Variants in STX8 observed in about 807,000 individuals in gnomAD.
STX8 encodes syntaxin 8.
Under a neutral mutation model 37.5 loss-of-function variants are expected in STX8, and 23 were observed. The observed-to-expected ratio is 0.61, with a 90% CI of 0.44 to 0.87. The LOEUF (loss-of-function observed/expected upper bound fraction) is 0.87. Among genes scored for constraint, STX8 ranks in the 40% least tolerant of loss-of-function variants. The pLI is 0.00. For missense variants in STX8, 313 were observed against 284.7 expected, an observed-to-expected ratio of 1.10 and a Z score of -0.71; for synonymous variants, 115 against 99.1, an observed-to-expected ratio of 1.16 and a Z score of -0.95.
intron 6 of STX8, among the ~76,000 whole-genome samples, chr17:9,436,444 G>A (rs939292074): frequency 6.6e-6 from 1 of 152,008 alleles, no homozygotes; most frequent in African/African-American, 2.4e-5. Flanking sequence ...AAGTGGGCAC[G>A]TAGAATGGGG....
At chr17:9,571,110 A>G (rs1299396881) in intron 1 of STX8, among the ~76,000 whole-genome samples, 2 of 152,224 alleles carry the variant, frequency 1.3e-5, no homozygotes, top group Non-Finnish European at 2.9e-5. Context: ...TTTCAGAGCC[A>G]TAGAGAACAC....
At chr17:9,389,877 G>T (rs752803568) in intron 6 of STX8, among the ~76,000 whole-genome samples, 8 of 152,098 alleles carry the variant, frequency 5.3e-5, no homozygotes, top group Non-Finnish European at 1.0e-4. Flanking sequence ...ACCAAAAATG[G>T]GGGGTGGTGG....
intron 7 of STX8, among the ~76,000 whole-genome samples, chr17:9,259,068 A>G (rs918234053): frequency 1.3e-5 from 2 of 152,176 alleles, no homozygotes; most frequent in Non-Finnish European, 1.5e-5. Context: ...AGATCAATGC[A>G]GTCTGGTGCG....
chr17:9,392,841 C>A (rs1029711945), intron 6 of STX8, among the ~76,000 whole-genome samples: 1 of 152,020 alleles, frequency 6.6e-6, no homozygotes, highest in Non-Finnish European at 1.5e-5. Context: ...ATGAATAGAG[C>A]CTCAAGGACC....
chr17:9,337,722 C>T (rs142762569), intron 7 of STX8, among the ~76,000 whole-genome samples: 1 of 152,300 alleles, frequency 6.6e-6, no homozygotes, highest in East Asian at 1.9e-4. Context: ...TTCTGGAGGA[C>T]ATACCATCCC....
chr17:9,568,598 TCG>T, intron 1 of STX8, 128 bp from the exon 2 acceptor site: 2 of 643,238 alleles, frequency 3.1e-6, no homozygotes, highest in Non-Finnish European at 5.1e-6. Flanking sequence ...CCTCCTGGGT[TCG>T]CACCATTCTC....
chr17:9,455,587 A>T (rs1905164809), intron 6 of STX8, among the ~76,000 whole-genome samples: 1 of 152,186 alleles, frequency 6.6e-6, no homozygotes, highest in African/African-American at 2.4e-5. Flanking sequence ...CAGCAAGGAA[A>T]ATATTTTGGT....
intron 6 of STX8, among the ~76,000 whole-genome samples, chr17:9,435,585 G>C (rs11870801): frequency 0.055 from 8,384 of 152,204 alleles, 783 homozygotes; most frequent in African/African-American, 0.19. Context: ...AGAGCACCTA[G>C]AACCATAATA....
At position 9,542,330 on chromosome 17, in the gene STX8, C is replaced by T. The variant is rs11871856; in HGVS notation, c.323+2842G>A. Among the ~76,000 whole-genome samples the T allele has an allele frequency of 8.6e-3, 1,301 of 151,604 alleles. 22 individuals are homozygous for T. The highest frequency in any genetic ancestry group is 0.03 in the African/African-American group (1,234 of 41,264). On this transcript the variant is annotated intron_variant, in intron 4 of 7. Coordinates refer to ENST00000306357, the MANE Select transcript of STX8 (RefSeq NM_004853.3). ...CTGAAATTGTGCCACTGCACTCAAG[C>T]CTGGGTGACACAGCAAAACTCCGTC...
chr17:9,458,828 ATTTTT>A (rs140952416), intron 6 of STX8, among the ~76,000 whole-genome samples: 5 of 122,012 alleles, frequency 4.1e-5, no homozygotes, highest in Non-Finnish European at 7.1e-5. Flanking sequence ...CAGTTATTTA[ATTTTT>A]TTTTTTTTTT....
At chr17:9,450,956 A>C (rs1328026745) in intron 6 of STX8, among the ~76,000 whole-genome samples, 1 of 152,136 alleles carries the variant, frequency 6.6e-6, no homozygotes. Flanking sequence ...AGATTTGCCA[A>C]GCATGGACTG....
intron 7 of STX8, among the ~76,000 whole-genome samples, chr17:9,288,753 A>G (rs1908195962): frequency 6.6e-6 from 1 of 151,992 alleles, no homozygotes; most frequent in African/African-American, 2.4e-5. Context: ...GAAATGAACA[A>G]AACAACCAAA....
chr17:9,453,695 G>A (rs939597980), intron 6 of STX8, among the ~76,000 whole-genome samples: 6 of 151,960 alleles, frequency 3.9e-5, no homozygotes, highest in African/African-American at 9.7e-5. Flanking sequence ...GTTTCACCAT[G>A]TTGGCCAGGC....
chr17:9,457,417 T>A (rs1030458234), intron 6 of STX8, among the ~76,000 whole-genome samples: 13 of 152,302 alleles, frequency 8.5e-5, no homozygotes, highest in African/African-American at 2.6e-4. Flanking sequence ...TCACATCACA[T>A]CACTCTAACA....
intron 6 of STX8, among the ~76,000 whole-genome samples, chr17:9,423,130 C>T (rs1307527790): frequency 6.6e-6 from 1 of 152,174 alleles, no homozygotes; most frequent in Non-Finnish European, 1.5e-5. Context: ...ACACTTTCCC[C>T]AGAATCAAAA....
chr17:9,311,014 G>A (rs558824677), intron 7 of STX8, among the ~76,000 whole-genome samples: 2 of 152,142 alleles, frequency 1.3e-5, no homozygotes, highest in Admixed American at 6.6e-5. Flanking sequence ...CGAGGTGGGC[G>A]GATCCCAAGG....
chr17:9,276,184 G>A (rs1366092575), intron 7 of STX8, among the ~76,000 whole-genome samples: 1 of 152,168 alleles, frequency 6.6e-6, no homozygotes, highest in African/African-American at 2.4e-5. Flanking sequence ...CAGCCCCTGA[G>A]TGATTTTGGT....
At chr17:9,459,718 T>C (rs1905295260) in intron 6 of STX8, among the ~76,000 whole-genome samples, 1 of 152,138 alleles carries the variant, frequency 6.6e-6, no homozygotes. Flanking sequence ...GGTTTCACCA[T>C]ATCAGCCAGG....
chr17:9,267,701 T>C (rs1907280239), intron 7 of STX8, among the ~76,000 whole-genome samples: 1 of 152,176 alleles, frequency 6.6e-6, no homozygotes, highest in Non-Finnish European at 1.5e-5. Flanking sequence ...TAAAAATGCT[T>C]AAATTCACCA....
Sources: gnomAD v4.1 joint callset for allele counts (sites outside exome capture counted in the v4.1 genomes callset) on GRCh38, gnomAD v4.1.1 for gene constraint, MANE v1.5 for transcripts, NCBI Gene and HGNC (gene_info 2026-07-23, HGNC 2026-07-21) for gene names.